Variants in PIK3C3 observed in about 807,000 individuals in gnomAD.
PIK3C3 encodes phosphatidylinositol 3-kinase catalytic subunit type 3.
Under a neutral mutation model 126.1 loss-of-function variants are expected in PIK3C3, and 95 were observed. The observed-to-expected ratio is 0.75, with a 90% confidence interval of 0.64 to 0.89. The LOEUF (loss-of-function observed/expected upper bound fraction) is 0.89. Ranked by LOEUF, PIK3C3 falls within the 40% of genes least tolerant of loss-of-function variation. PIK3C3 has a pLI of 0.00. For missense variants in PIK3C3, 829 were observed against 1,063.2 expected (o/e 0.78, Z 3.06); for synonymous variants, 374 against 360.0 (o/e 1.04, Z -0.44).
intron 4 of PIK3C3, among the ~76,000 whole-genome samples, chr18:41,974,547 A>AC (rs937608315): frequency 3.5e-4 from 51 of 143,912 alleles, no homozygotes; most frequent in African/African-American, 1.0e-3. Flanking sequence ...ATACACTATT[A>AC]CCCCCCCACC....
Position 42,086,643 on chromosome 18 carries a change from T to C in PIK3C3, c.*5506T>C, listed in dbSNP as rs1246994977. 3 of 152,196 alleles carry C rather than the reference T, an allele frequency of 2.0e-5. No individual in the cohort carries two copies. Among genetic ancestry groups the C allele is most frequent in the Non-Finnish European group, 4.4e-5 (3 of 68,040 alleles). The allele number at this position is 152,196 out of a possible 1,614,324, so 9.4% of individuals were successfully genotyped here. On this transcript the variant is annotated 3_prime_UTR_variant, in exon 25 of 25. Coordinates refer to ENST00000262039, the MANE Select transcript of PIK3C3 (RefSeq NM_002647.4). ...CGCTAGTTATAATGCATTGACATGC[T>C]AAGAGACACTCCCACCAGCACCATG...
intron 7 of PIK3C3, among the ~76,000 whole-genome samples, chr18:41,993,780 T>C (rs1285297986): frequency 6.6e-6 from 1 of 152,108 alleles, no homozygotes; most frequent in African/African-American, 2.4e-5. Flanking sequence ...ATAGGGAAGA[T>C]TGCTGTAGCC....
chr18:42,047,870 C>T (rs1056316071), intron 20 of PIK3C3, among the ~76,000 whole-genome samples: 1 of 152,144 alleles, frequency 6.6e-6, no homozygotes, highest in Non-Finnish European at 1.5e-5. Context: ...TAGCAATGCT[C>T]TAGATCAAGG....
intron 12 of PIK3C3, among the ~76,000 whole-genome samples, chr18:42,017,652 CTGTT>C (rs1244688847): frequency 3.9e-5 from 6 of 152,046 alleles, no homozygotes; most frequent in African/African-American, 1.2e-4. Flanking sequence ...ATCTTTATCA[CTGTT>C]TGGTAACCCT....
At chr18:41,985,079 C>G (rs1417973147) in intron 4 of PIK3C3, 1 of 152,054 alleles carries the variant, frequency 6.6e-6, no homozygotes. Flanking sequence ...CCGGCTAAGC[C>G]CACCCTTTAT....
chr18:41,986,228 G>A (rs1981469550), intron 4 of PIK3C3, among the ~76,000 whole-genome samples: 1 of 152,052 alleles, frequency 6.6e-6, no homozygotes, highest in Non-Finnish European at 1.5e-5. Context: ...GTTATAAAAA[G>A]TGCCTATAAT....
At chr18:41,991,999 T>C (rs1981801821) in intron 6 of PIK3C3, among the ~76,000 whole-genome samples, 1 of 152,202 alleles carries the variant, frequency 6.6e-6, no homozygotes, top group South Asian at 2.1e-4. Flanking sequence ...AACATGCTAA[T>C]GGAGATGGTA....
At chr18:41,965,409 A>G (rs577685649) in intron 3 of PIK3C3, among the ~76,000 whole-genome samples, 45 of 152,328 alleles carry the variant, frequency 3.0e-4, no homozygotes, top group African/African-American at 1.1e-3. Flanking sequence ...CATCTAAACA[A>G]ACTCTCAGAT....
chr18:42,043,978 A>C (rs534507), intron 20 of PIK3C3, among the ~76,000 whole-genome samples, 161 bp downstream of exon 20: 14 of 152,238 alleles, frequency 9.2e-5, no homozygotes, highest in African/African-American at 3.4e-4. Context: ...ATGCTTTGAC[A>C]TAATAGTATT....
At chr18:42,078,445 C>T (rs1986117199) in intron 24 of PIK3C3, among the ~76,000 whole-genome samples, 1 of 147,526 alleles carries the variant, frequency 6.8e-6, no homozygotes, top group East Asian at 2.0e-4. Flanking sequence ...AATATGATAT[C>T]ATCCAAGCTA....
Position 41,995,954 on chromosome 18 carries a change from A to G in PIK3C3, c.851A>G (p.His284Arg). Reference protein sequence around the residue: ...ARSLRSGPSDHDLKPNAATRD... With the variant: ...ARSLRSGPSDRDLKPNAATRD... ...AGTTTAAGAAGTGGACCTTCTGACC[A>G]CGATCTGAAACCCAATGCTGCCACG... is the stretch of plus-strand genomic sequence containing the variant. Residue 284 changes from histidine (H) to arginine (R), a missense_variant, in exon 8 of 25, where the codon CAC becomes CGC. Around this residue, in one of 4 missense-constraint regions of PIK3C3, gnomAD observed 313 missense variants for 340.7 expected, o/e 0.92. Transcript: ENST00000262039. 6.2e-7 allele frequency: 1 copy of G among 1,612,872 alleles called. No homozygotes were observed. Among genetic ancestry groups the G allele is most frequent in the South Asian group, 1.1e-5 (1 of 91,034 alleles).
intron 3 of PIK3C3, among the ~76,000 whole-genome samples, chr18:41,969,124 CTTG>C (rs2144309181): frequency 6.7e-6 from 1 of 149,048 alleles, no homozygotes; most frequent in East Asian, 2.1e-4. Flanking sequence ...CAGTCTGTAC[CTTG>C]TTTTTTTTTT....
intron 4 of PIK3C3, among the ~76,000 whole-genome samples, 161 bp from the exon 5 acceptor site, chr18:41,987,651 G>C (rs962468679): frequency 1.3e-5 from 2 of 151,914 alleles, no homozygotes; most frequent in African/African-American, 4.8e-5. Flanking sequence ...AAAAAATAAT[G>C]ATTTGTCTCT....
At position 41,962,496 on chromosome 18, in the gene PIK3C3, G is replaced by A. The variant is rs749233107; in HGVS notation, c.265G>A (p.Glu89Lys). Residue 89 changes from glutamate to lysine, a missense_variant, in exon 3 of 25, where the codon GAA becomes AAA. This residue lies in a region of PIK3C3 where 313 missense variants were observed against 340.7 expected (regional missense o/e 0.92). Transcript: ENST00000262039. ...KAFSTRWNWN[E>K]WLKLPVKYPD... The stretch of plus-strand genomic sequence containing the variant: ...TTAACTTCATTTCCATAGCTGGAAT[G>A]AATGGCTGAAACTACCAGTAAAATA... The A allele has an allele frequency of 6.2e-7, 1 of 1,607,440 alleles. No homozygotes were observed. Among genetic ancestry groups the A allele is most frequent in the Non-Finnish European group, 8.5e-7 (1 of 1,176,264 alleles).
At chr18:42,024,087 CTT>C (rs1357548364) in intron 13 of PIK3C3, among the ~76,000 whole-genome samples, 6 of 152,116 alleles carry the variant, frequency 3.9e-5, no homozygotes, top group African/African-American at 1.4e-4. Context: ...TGAAAGTAAA[CTT>C]TGGCTGCTTT....
chr18:42,041,600 A>AG (rs1984325897), intron 19 of PIK3C3, among the ~76,000 whole-genome samples: 1 of 151,606 alleles, frequency 6.6e-6, no homozygotes, highest in African/African-American at 2.4e-5. Flanking sequence ...AAAAAAAAAA[A>AG]AAAGGTATGT....
chr18:42,036,334 A>G (rs1984047489), intron 16 of PIK3C3, among the ~76,000 whole-genome samples: 1 of 152,016 alleles, frequency 6.6e-6, no homozygotes, highest in African/African-American at 2.4e-5. Flanking sequence ...ACATTTTGCC[A>G]TTTGTTTTGT....
chr18:42,058,962 T>G (rs1985194651), intron 22 of PIK3C3, among the ~76,000 whole-genome samples: 1 of 152,244 alleles, frequency 6.6e-6, no homozygotes, highest in Non-Finnish European at 1.5e-5. Context: ...GCACATGGGT[T>G]CTGTTTCCTT....
At chr18:42,038,633 T>G (rs1984168884) in intron 17 of PIK3C3, 148 bp from the exon 18 acceptor site, 1 of 588,386 alleles carries the variant, frequency 1.7e-6, no homozygotes, top group African/African-American at 1.9e-5. Context: ...GGGGAACCAC[T>G]GTGCCCAGCC....
Sources: gnomAD v4.1 joint callset for allele counts (sites outside exome capture counted in the v4.1 genomes callset) on GRCh38, gnomAD v4.1.1 for gene constraint, gnomAD v4.1.1 regional missense constraint, MANE v1.5 for transcripts, NCBI Gene and HGNC (gene_info 2026-07-23, HGNC 2026-07-21) for gene names.